The following SMARCA2 variants were observed in gnomAD, a reference collection of about 807,000 sequenced individuals.
SMARCA2 encodes SWI/SNF related BAF chromatin remodeling complex subunit ATPase 2.
SMARCA2 carries 61 observed loss-of-function variants against 199.8 expected under a neutral mutation model. The ratio of observed to expected loss-of-function variants is 0.31; its 90% CI spans 0.25 to 0.38. The LOEUF (loss-of-function observed/expected upper bound fraction) is 0.38. Among genes scored for constraint, SMARCA2 ranks in the 10% least tolerant of loss-of-function variants. The pLI is 1.00. For synonymous variants in SMARCA2, 935 were observed against 732.0 expected (o/e 1.28, Z -4.48); for missense variants, 1,344 against 2,012.2 (o/e 0.67, Z 6.35).
intron 10 of SMARCA2, 102 bp downstream of exon 10, chr9:2,070,573 A>G (rs2130413123): frequency 1.3e-6 from 1 of 794,836 alleles, no homozygotes; most frequent in South Asian, 1.7e-5. Flanking sequence ...TTACTGTGCT[A>G]TTTATTTTAA....
chr9:2,066,830 A>G (rs1243947638), intron 9 of SMARCA2, among the ~76,000 whole-genome samples: 1 of 152,250 alleles, frequency 6.6e-6, no homozygotes, highest in Non-Finnish European at 1.5e-5. Flanking sequence ...TCACACCAGG[A>G]CATTTCTTTA....
chr9:2,192,791 C>G lies in SMARCA2; in HGVS notation c.*52C>G. On this transcript the variant is annotated 3_prime_UTR_variant, in exon 34 of 34. Coordinates refer to ENST00000349721, the MANE Select transcript of SMARCA2 (RefSeq NM_003070.5). ...AACTGAATTCCTTCCTCCCCTGTCT[C>G]ATTTCTACCCAGTGAGTTCATTTGT... The G allele has an allele frequency of 1.5e-6, 2 of 1,319,952 alleles. No homozygotes were observed. Among genetic ancestry groups the G allele is most frequent in the South Asian group, 2.4e-5 (2 of 84,362 alleles). The allele number at this position is 1,319,952 out of a possible 1,614,324, so 81.8% of individuals were successfully genotyped here. A position where few individuals can be genotyped will look rare whatever the true frequency, so the allele number is the denominator to read the frequency against.
chr9:2,188,713 T>C (rs1827665066), intron 32 of SMARCA2, among the ~76,000 whole-genome samples: 1 of 152,220 alleles, frequency 6.6e-6, no homozygotes, highest in Admixed American at 6.5e-5. Flanking sequence ...TTACCTCTTG[T>C]GGGTCACAGG....
intron 9 of SMARCA2, among the ~76,000 whole-genome samples, chr9:2,062,815 G>A (rs574385933): frequency 1.6e-4 from 25 of 152,268 alleles, no homozygotes; most frequent in African/African-American, 5.5e-4. Flanking sequence ...AAAAAGAGAG[G>A]CTAGACTGAT....
chr9:2,142,187 G>A (rs952502178), intron 27 of SMARCA2, among the ~76,000 whole-genome samples: 3 of 152,144 alleles, frequency 2.0e-5, no homozygotes, highest in Admixed American at 6.5e-5. Context: ...ACTGCTCCTC[G>A]TCTTGGGTGA....
intron 19 of SMARCA2, among the ~76,000 whole-genome samples, chr9:2,094,427 C>G (rs7862646): frequency 0.061 from 9,220 of 152,212 alleles, 842 homozygotes; most frequent in African/African-American, 0.2. Context: ...GTGGCTGACT[C>G]ATAGGAAGGT....
Position 2,126,628 on chromosome 9 carries a change from G to A in SMARCA2, c.3981+2691G>A, listed in dbSNP as rs116951986. On this transcript the variant is annotated intron_variant, in intron 27 of 33. Transcript: ENST00000349721. ...GAAAGGGAGTTTGGCAAGGACCGTC[G>A]TGTAAGAAATGCTGTAACAGGGCTA... Among the ~76,000 whole-genome samples the A allele has an allele frequency of 8.2e-3, 1,249 of 152,348 alleles. 18 individuals are homozygous for A. The highest frequency in any genetic ancestry group is 0.028 in the African/African-American group (1,156 of 41,562).
chr9:2,032,133 A>C (rs1452391285), intron 2 of SMARCA2, among the ~76,000 whole-genome samples: 1 of 152,170 alleles, frequency 6.6e-6, no homozygotes. Flanking sequence ...TCTTGCTTGA[A>C]GTCATTTGGT....
intron 4 of SMARCA2, chr9:2,041,588 T>C (rs10964533): frequency 2.5e-6 from 1 of 393,640 alleles, no homozygotes; most frequent in African/African-American, 2.1e-5. Flanking sequence ...ATATGAATTT[T>C]GAGGGGACCA....
At chr9:2,142,081 T>C (rs949608546) in intron 27 of SMARCA2, among the ~76,000 whole-genome samples, 1 of 152,152 alleles carries the variant, frequency 6.6e-6, no homozygotes, top group Admixed American at 6.5e-5. Context: ...AGTTTCCCTC[T>C]CCTTGGTTGT....
intron 9 of SMARCA2, among the ~76,000 whole-genome samples, chr9:2,069,222 AC>A (rs1820980705): frequency 6.6e-6 from 1 of 151,634 alleles, no homozygotes; most frequent in Non-Finnish European, 1.5e-5. Context: ...GGCCGATATG[AC>A]ATAATCTTAA....
At chr9:2,122,766 G>A (rs1196292551) in intron 26 of SMARCA2, among the ~76,000 whole-genome samples, 3 of 152,190 alleles carry the variant, frequency 2.0e-5, no homozygotes. Flanking sequence ...GAAGGAAAAG[G>A]TAAATAACAA....
chr9:2,073,497 A>G, intron 11 of SMARCA2, 69 bp from the exon 12 acceptor site: 2 of 1,461,136 alleles, frequency 1.4e-6, no homozygotes, highest in East Asian at 2.3e-5. Flanking sequence ...CTATTAAGTC[A>G]TGTGTGTCTT....
chr9:2,025,069 C>G (rs1442185809), intron 1 of SMARCA2, among the ~76,000 whole-genome samples: 4 of 141,862 alleles, frequency 2.8e-5, no homozygotes, highest in African/African-American at 1.2e-4. Flanking sequence ...CTGTGCTGAG[C>G]CTTTCAGCTA....
At chr9:2,065,384 A>T (rs1820793497) in intron 9 of SMARCA2, among the ~76,000 whole-genome samples, 2 of 152,250 alleles carry the variant, frequency 1.3e-5, no homozygotes, top group South Asian at 4.1e-4. Flanking sequence ...AGGCAACACT[A>T]GACCAGATAT....
intron 22 of SMARCA2, among the ~76,000 whole-genome samples, chr9:2,103,525 A>G (rs1466395436): frequency 6.6e-6 from 1 of 152,120 alleles, no homozygotes; most frequent in African/African-American, 2.4e-5. Context: ...TGCTTGGTAC[A>G]TAGTAGGTGA....
intron 1 of SMARCA2, among the ~76,000 whole-genome samples, chr9:2,024,631 A>G (rs1204822165): frequency 6.6e-6 from 1 of 151,900 alleles, no homozygotes; most frequent in African/African-American, 2.4e-5. Context: ...TATCCCTTCC[A>G]CTGTTTCTGA....
Position 2,115,047 on chromosome 9 carries a change from T to TA in SMARCA2, c.3457-775_3457-774insA, listed in dbSNP as rs1244489539. 1.5e-3 allele frequency among the ~76,000 whole-genome samples: 229 copies of TA among 151,828 alleles called. 1 individual carries two copies. Among genetic ancestry groups the TA allele is most frequent in the Middle Eastern group, 0.01 (3 of 294 alleles). ...TCAGTATTGTTGAATGTTTCTTTTT[T>TA]TAAAAAAAAAGCCATTAGAGAGAGT... On this transcript the variant is annotated intron_variant, in intron 24 of 33. Transcript: ENST00000349721. This position sits in a 1 kb window ranked among gnomAD's most constrained non-coding sequence, Gnocchi z 6.0.
At chr9:2,165,524 T>C (rs369262890) in intron 28 of SMARCA2, among the ~76,000 whole-genome samples, 1 of 152,244 alleles carries the variant, frequency 6.6e-6, no homozygotes, top group East Asian at 1.9e-4. Flanking sequence ...GGTCTGTTGC[T>C]ACTGGCCCCC....
Sources: gnomAD v4.1 joint callset for allele counts (sites outside exome capture counted in the v4.1 genomes callset) on GRCh38, gnomAD v4.1.1 for gene constraint, Gnocchi (gnomAD v3.1) non-coding constraint, MANE v1.5 for transcripts, NCBI Gene and HGNC (gene_info 2026-07-23, HGNC 2026-07-21) for gene names.